The following CNTN5 variants were observed in gnomAD, a reference collection of about 807,000 sequenced individuals.
The protein encoded by CNTN5 is contactin-5.
In CNTN5, 77 loss-of-function variants were observed where a neutral mutation model predicts 129.1. The ratio of observed to expected loss-of-function variants is 0.60; its 90% CI spans 0.50 to 0.72. The LOEUF is 0.72. Among genes scored for constraint, CNTN5 ranks in the 30% least tolerant of loss-of-function variants. The probability of loss-of-function intolerance (pLI) is 0.00; values close to 1 mark genes in which losing one functional copy is unlikely to be tolerated. For missense variants in CNTN5, 1,478 were observed against 1,328.8 expected (o/e 1.11, Z -1.75); for synonymous variants, 509 against 465.6 (o/e 1.09, Z -1.20).
chr11:99,788,681 A>C (rs1274319082), intron 3 of CNTN5, among the ~76,000 whole-genome samples: 5 of 151,930 alleles, frequency 3.3e-5, no homozygotes, highest in Admixed American at 6.6e-5. Flanking sequence ...GATGCCTGTA[A>C]GGAAACACAT....
intron 3 of CNTN5, among the ~76,000 whole-genome samples, chr11:99,751,667 A>G (rs1350034795): frequency 6.6e-6 from 1 of 152,186 alleles, no homozygotes. Flanking sequence ...GCTCTGTAAT[A>G]ATATAGGCTG....
At chr11:99,705,562 A>AT (rs1180165728) in intron 3 of CNTN5, among the ~76,000 whole-genome samples, 2 of 151,196 alleles carry the variant, frequency 1.3e-5, no homozygotes, top group Non-Finnish European at 3.0e-5. Flanking sequence ...ATTAGGCCTA[A>AT]TTTTTTTACT....
chr11:99,379,965 A>G (rs1591599198), intron 2 of CNTN5, among the ~76,000 whole-genome samples: 1 of 152,198 alleles, frequency 6.6e-6, no homozygotes, highest in South Asian at 2.1e-4. Flanking sequence ...TATGAGGTTC[A>G]TATATACACA....
At chr11:99,381,281 A>G (rs1504708) in intron 2 of CNTN5, among the ~76,000 whole-genome samples, 80,164 of 151,974 alleles carry the variant, frequency 0.53, 21,361 homozygotes, top group East Asian at 0.7. Context: ...ACATAGTTTC[A>G]AAAGTCTTCT....
At chr11:99,447,924 A>AAAAAT (rs1368333032) in intron 2 of CNTN5, among the ~76,000 whole-genome samples, 1 of 152,146 alleles carries the variant, frequency 6.6e-6, no homozygotes, top group African/African-American at 2.4e-5. Flanking sequence ...GACTCCGTCT[A>AAAAAT]AAAATAAAAT....
chr11:99,923,105 A>G (rs1949977192), intron 7 of CNTN5, among the ~76,000 whole-genome samples: 3 of 152,208 alleles, frequency 2.0e-5, no homozygotes, highest in Admixed American at 1.3e-4. Context: ...TACCTCAAAT[A>G]GATGTGCAAT....
intron 1 of CNTN5, among the ~76,000 whole-genome samples, chr11:99,254,973 G>A (rs1344246853): frequency 6.6e-6 from 1 of 151,902 alleles, no homozygotes; most frequent in Non-Finnish European, 1.5e-5. Context: ...TTTTGAACAA[G>A]CCGATGTTTT....
chr11:99,582,065 T>C (rs1949621366), intron 3 of CNTN5, among the ~76,000 whole-genome samples: 1 of 152,100 alleles, frequency 6.6e-6, no homozygotes, highest in Admixed American at 6.6e-5. Context: ...TAAAGTATTT[T>C]ATTTCTCCTT....
At chr11:99,234,387 T>A (rs1861162274) in intron 1 of CNTN5, among the ~76,000 whole-genome samples, 1 of 152,198 alleles carries the variant, frequency 6.6e-6, no homozygotes, top group Non-Finnish European at 1.5e-5. Flanking sequence ...TCCTCAACGC[T>A]CTATTCGTAG....
chr11:99,823,599 A>G (rs1429083054), intron 4 of CNTN5, among the ~76,000 whole-genome samples: 2 of 152,180 alleles, frequency 1.3e-5, no homozygotes, highest in East Asian at 1.9e-4. Flanking sequence ...TATTAAATGT[A>G]TTATTCTTTA....
At chr11:100,112,862 T>C (rs75631538) in intron 13 of CNTN5, among the ~76,000 whole-genome samples, 3,328 of 152,160 alleles carry the variant, frequency 0.022, 111 homozygotes, top group African/African-American at 0.065. Flanking sequence ...ATTGACTAAC[T>C]CCCAGTTAAT....
chr11:99,946,243 G>C (rs1179137167), intron 7 of CNTN5, among the ~76,000 whole-genome samples: 7 of 151,942 alleles, frequency 4.6e-5, no homozygotes, highest in African/African-American at 1.7e-4. Context: ...AACTCTCCTG[G>C]GTTCCAAGAA....
intron 2 of CNTN5, among the ~76,000 whole-genome samples, chr11:99,328,870 C>CAAAAAAAAAAAAAAAAAAACAAAA (rs10542347): frequency 1.1e-5 from 1 of 87,652 alleles, no homozygotes. Context: ...AACTCCATCT[C>CAAAAAAAAAAAAAAAAAAACAAAA]AAAAAAAAAA....
chr11:100,355,165 T>C (rs957224914), intron 24 of CNTN5, among the ~76,000 whole-genome samples: 3 of 151,824 alleles, frequency 2.0e-5, no homozygotes, highest in Admixed American at 2.0e-4. Flanking sequence ...ATTTTCTTTA[T>C]ATCTGTATTC....
intron 9 of CNTN5, among the ~76,000 whole-genome samples, chr11:100,024,036 T>TA (rs1330405253): frequency 2.0e-5 from 3 of 152,214 alleles, no homozygotes; most frequent in African/African-American, 7.2e-5. Context: ...AGGAGGGTGA[T>TA]ACAGCTAGGC....
intron 8 of CNTN5, among the ~76,000 whole-genome samples, chr11:99,962,474 A>C (rs1431391102): frequency 1.3e-5 from 2 of 152,070 alleles, no homozygotes; most frequent in Non-Finnish European, 2.9e-5. Flanking sequence ...ATGTCCCTAC[A>C]AAGGACATGA....
intron 18 of CNTN5, among the ~76,000 whole-genome samples, chr11:100,287,509 G>T (rs1950824938): frequency 6.6e-6 from 1 of 150,666 alleles, no homozygotes; most frequent in South Asian, 2.1e-4. Flanking sequence ...GCCAAACTAA[G>T]CTTCATAAGT....
chr11:99,770,943 C>G (rs1466938605), intron 3 of CNTN5, among the ~76,000 whole-genome samples: 1 of 152,078 alleles, frequency 6.6e-6, no homozygotes, highest in South Asian at 2.1e-4. Context: ...GAGTATGGTA[C>G]TGGCATAAAA....
chr11:100,191,031 C>T (rs1021852571), intron 13 of CNTN5, 95 bp from the exon 14 acceptor site: 2 of 717,418 alleles, frequency 2.8e-6, no homozygotes, highest in Non-Finnish European at 4.4e-6. Flanking sequence ...TACTTATTAT[C>T]ACCCTAGAAA....
Sources: allele counts gnomAD v4.1 joint callset (sites outside exome capture counted in the v4.1 genomes callset), GRCh38; gene constraint gnomAD v4.1.1; transcripts MANE v1.5; gene names NCBI Gene and HGNC (gene_info 2026-07-23, HGNC 2026-07-21).